Variants in HHAT observed in about 807,000 individuals in gnomAD.
HHAT encodes protein-cysteine N-palmitoyltransferase HHAT.
A neutral mutation model predicts 70.8 loss-of-function variants in HHAT; 47 were observed. The observed-to-expected ratio is 0.66, with a 90% CI of 0.53 to 0.85. HHAT has a LOEUF of 0.85. HHAT is among the 40% of genes least tolerant of loss of function. HHAT has a pLI of 0.00. For missense variants in HHAT, 609 were observed against 604.8 expected, an observed-to-expected ratio of 1.01 and a Z score of -0.07; for synonymous variants, 228 against 247.6, an observed-to-expected ratio of 0.92 and a Z score of 0.74.
chr1:210,525,755 T>G (rs2095236232), intron 9 of HHAT, among the ~76,000 whole-genome samples: 1 of 151,902 alleles, frequency 6.6e-6, no homozygotes, highest in East Asian at 1.9e-4. Flanking sequence ...TAAAAAAAAT[T>G]AAAAAGAGCC....
chr1:210,400,796 A>G, intron 5 of HHAT, 134 bp downstream of exon 5: 1 of 785,908 alleles, frequency 1.3e-6, no homozygotes, highest in Non-Finnish European at 2.0e-6. Context: ...GTGGCCGTAC[A>G]GGGTTGCTAC....
intron 9 of HHAT, among the ~76,000 whole-genome samples, chr1:210,524,822 TA>T (rs1355967991): frequency 1.3e-5 from 2 of 152,128 alleles, no homozygotes; most frequent in African/African-American, 4.8e-5. Flanking sequence ...ACAGCTGTTG[TA>T]AAAGCTTCTC....
intron 3 of HHAT, among the ~76,000 whole-genome samples, chr1:210,387,251 G>T (rs916874484): frequency 1.3e-5 from 2 of 152,206 alleles, no homozygotes; most frequent in African/African-American, 2.4e-5. Flanking sequence ...AATCATTCCG[G>T]TTAGGTTGGT....
intron 1 of HHAT, among the ~76,000 whole-genome samples, chr1:210,331,416 A>G (rs1475651196): frequency 6.6e-6 from 1 of 152,196 alleles, no homozygotes; most frequent in African/African-American, 2.4e-5. Context: ...ATTTCAGGAT[A>G]CTTTGCCTTG....
chr1:210,567,991 T>C (rs1442316049), intron 9 of HHAT, among the ~76,000 whole-genome samples: 1 of 152,212 alleles, frequency 6.6e-6, no homozygotes, highest in African/African-American at 2.4e-5. Flanking sequence ...TGTTAAGGAG[T>C]TGACTGGTGG....
chr1:210,663,884 T>C (rs1229806167), intron 11 of HHAT, among the ~76,000 whole-genome samples: 1 of 152,216 alleles, frequency 6.6e-6, no homozygotes, highest in East Asian at 1.9e-4. Context: ...CAATTTCGAA[T>C]AGATGACAAC....
At chr1:210,578,806 A>C (rs1414549634) in intron 9 of HHAT, among the ~76,000 whole-genome samples, 1 of 152,236 alleles carries the variant, frequency 6.6e-6, no homozygotes, top group Non-Finnish European at 1.5e-5. Flanking sequence ...GAAATACTGT[A>C]TGATTTCACT....
intron 8 of HHAT, among the ~76,000 whole-genome samples, chr1:210,476,015 A>T (rs2094301095): frequency 6.6e-6 from 1 of 152,254 alleles, no homozygotes; most frequent in African/African-American, 2.4e-5. Flanking sequence ...TTAAATCCTA[A>T]TCCTCTTAAT....
At chr1:210,434,441 C>G (rs1259429587) in intron 7 of HHAT, among the ~76,000 whole-genome samples, 2 of 151,820 alleles carry the variant, frequency 1.3e-5, no homozygotes, top group Non-Finnish European at 2.9e-5. Context: ...CTGAGCAGCT[C>G]CTTTCCATGT....
At chr1:210,559,330 T>C (rs963316173) in intron 9 of HHAT, among the ~76,000 whole-genome samples, 3 of 152,336 alleles carry the variant, frequency 2.0e-5, no homozygotes, top group Middle Eastern at 3.4e-3. Flanking sequence ...CAGTTTAATC[T>C]CTGTCTACTT....
At chr1:210,602,729 A>C (rs1241081013) in intron 10 of HHAT, among the ~76,000 whole-genome samples, 1 of 152,152 alleles carries the variant, frequency 6.6e-6, no homozygotes, top group Admixed American at 6.5e-5. Context: ...CTGGGTCTGG[A>C]AAAAAGCAAT....
Position 210,418,312 on chromosome 1 carries a change from T to C in HHAT, c.843T>C (p.Ser281=). ...GCATCCCCCTCCTGGAGACTGTCTC[T>C]TGTTGGACCTTAGGTAATTGTGGGA... ...YSSIPLLETV[S]CWTLGGLALA... is the part of the protein sequence containing the mutation. Residue 281 remains serine (S), a synonymous_variant, in exon 7 of 12, where the codon TCT becomes TCC. Transcript: ENST00000261458. The C allele has an allele frequency of 6.3e-7, 1 of 1,591,066 alleles. No homozygotes were observed. Among genetic ancestry groups the C allele is most frequent in the Non-Finnish European group, 8.6e-7 (1 of 1,168,012 alleles).
chr1:210,581,880 T>G (rs1015816444), intron 9 of HHAT, among the ~76,000 whole-genome samples: 12 of 152,180 alleles, frequency 7.9e-5, no homozygotes, highest in Non-Finnish European at 1.8e-4. Context: ...GGAAATTATG[T>G]TACGTATTTA....
At chr1:210,580,539 A>G (rs564497636) in intron 9 of HHAT, among the ~76,000 whole-genome samples, 2 of 120,324 alleles carry the variant, frequency 1.7e-5, no homozygotes, top group African/African-American at 6.5e-5. Context: ...CCCTGTCTGT[A>G]TCCACGTGTC....
rs189233439 is a variant in HHAT at position 210,332,279 on chromosome 1, G to C, written c.-44+3175G>C. On this transcript the variant is annotated intron_variant, in intron 1 of 11. Coordinates refer to ENST00000261458, the MANE Select transcript of HHAT (RefSeq NM_018194.6). ...CTGATAGGTAATCATTCAAAGACTT[G>C]AATAGTTGTGCAGCTGTGGTGTTGG... 2.3e-4 allele frequency among the ~76,000 whole-genome samples: 35 copies of C among 152,322 alleles called. 1 individual carries two copies. The East Asian group carries it at 5.4e-3, about 24-fold the overall frequency.
chr1:210,445,424 T>A (rs774149395), intron 7 of HHAT, among the ~76,000 whole-genome samples: 1 of 152,258 alleles, frequency 6.6e-6, no homozygotes, highest in Non-Finnish European at 1.5e-5. Context: ...AATAATCTTT[T>A]AAATTTCATT....
In HHAT at chr1:210,404,696, A is replaced by T. The variant is rs757725390; in HGVS notation, c.684+17A>T. On this transcript the variant is annotated intron_variant, in intron 6 of 11. Transcript: ENST00000261458. ...ATCAAACAGGTAGAGCCCGCTGGGGATGGGATTGGGATTCTATAGCTTAAG... is the reference window on the plus strand; with the variant it reads ...ATCAAACAGGTAGAGCCCGCTGGGGTTGGGATTGGGATTCTATAGCTTAAG... 8 of 1,596,116 alleles carry T rather than the reference A, an allele frequency of 5.0e-6. No homozygotes were observed. The highest frequency in any genetic ancestry group is 6.9e-6 in the Non-Finnish European group (8 of 1,164,558).
chr1:210,362,466 C>T (rs1399077541), intron 2 of HHAT, among the ~76,000 whole-genome samples: 1 of 152,204 alleles, frequency 6.6e-6, no homozygotes, highest in Admixed American at 6.5e-5. Context: ...AACTTGTAAT[C>T]CGCCCGTCTT....
intron 9 of HHAT, among the ~76,000 whole-genome samples, chr1:210,569,098 G>A (rs1308082071): frequency 6.6e-6 from 1 of 152,098 alleles, no homozygotes; most frequent in African/African-American, 2.4e-5. Flanking sequence ...CAGAGGCCGG[G>A]CACAATGGCT....
Sources: gnomAD v4.1 joint callset for allele counts (sites outside exome capture counted in the v4.1 genomes callset) on GRCh38, gnomAD v4.1.1 for gene constraint, MANE v1.5 for transcripts, NCBI Gene and HGNC (gene_info 2026-07-23, HGNC 2026-07-21) for gene names.